The following CACNA2D1 variants were observed in gnomAD, a reference collection of about 807,000 sequenced individuals.
CACNA2D1 encodes the protein calcium voltage-gated channel auxiliary subunit alpha2delta 1.
Under a neutral mutation model 171.5 loss-of-function variants are expected in CACNA2D1, and 53 were observed. The observed-to-expected ratio is 0.31, with a 90% CI of 0.25 to 0.39. The LOEUF (loss-of-function observed/expected upper bound fraction) is 0.39. Ranked by LOEUF, CACNA2D1 falls within the 10% of genes least tolerant of loss-of-function variation. The probability of loss-of-function intolerance (pLI) is 1.00; values close to 1 mark genes in which losing one functional copy is unlikely to be tolerated. For missense variants in CACNA2D1, 903 were observed against 1,299.8 expected (o/e 0.69, Z 4.69); for synonymous variants, 442 against 443.1 (o/e 1.00, Z 0.03).
chr7:82,088,614 T>C (rs571471635), intron 6 of CACNA2D1, among the ~76,000 whole-genome samples: 2 of 152,240 alleles, frequency 1.3e-5, no homozygotes, highest in African/African-American at 4.8e-5. Context: ...CCAAATAATG[T>C]TTAATATAAA....
chr7:82,307,155 A>T lies in CACNA2D1; in HGVS notation c.294+27980T>A, dbSNP rs926674454. ...AAAAATAAACATTTATAAGAATTAT[A>T]TAATTCTTTTTTTAGGTGTGGGAAT... is the stretch of plus-strand genomic sequence containing the variant. On this transcript the variant is annotated intron_variant, in intron 3 of 38. Coordinates refer to ENST00000356860, the MANE Select transcript of CACNA2D1 (RefSeq NM_000722.4). Among the ~76,000 whole-genome samples, 8 of 152,110 alleles carry T rather than the reference A, an allele frequency of 5.3e-5. No individual in the cohort carries two copies. The South Asian group carries it at 6.2e-4, about 12-fold the overall frequency.
chr7:82,432,072 ATTAATAGTGC>A (rs1267132954), intron 1 of CACNA2D1, among the ~76,000 whole-genome samples: 1 of 150,628 alleles, frequency 6.6e-6, no homozygotes, highest in Non-Finnish European at 1.5e-5. Context: ...GAGAGTACTA[ATTAATAGTGC>A]CTGGCATACA....
chr7:81,990,568 T>G (rs1303627836), intron 21 of CACNA2D1, among the ~76,000 whole-genome samples: 1 of 150,656 alleles, frequency 6.6e-6, no homozygotes, highest in Admixed American at 6.6e-5. Context: ...ACAGAATGAG[T>G]AATGACGACA....
intron 3 of CACNA2D1, among the ~76,000 whole-genome samples, chr7:82,285,671 G>A (rs866318371): frequency 6.6e-6 from 1 of 152,208 alleles, no homozygotes; most frequent in South Asian, 2.1e-4. Context: ...GTAAATGTGA[G>A]TAGCATATAT....
chr7:82,052,680 G>A lies in CACNA2D1; in HGVS notation c.879+7748C>T, dbSNP rs548570523. Among the ~76,000 whole-genome samples the A allele has an allele frequency of 7.2e-5, 11 of 152,244 alleles. No homozygotes were observed. In the South Asian group the frequency reaches 1.0e-3, roughly 14 times the overall value. On this transcript the variant is annotated intron_variant, in intron 10 of 38. Coordinates refer to ENST00000356860, the MANE Select transcript of CACNA2D1 (RefSeq NM_000722.4). Reference sequence around the variant, plus strand: ...GTGGTTGACACTAAAGATTATAAATGCAAATAAGAATATATGAAGTTTCAT... The same window carrying A: ...GTGGTTGACACTAAAGATTATAAATACAAATAAGAATATATGAAGTTTCAT...
At chr7:82,253,654 A>G (rs1213712804) in intron 3 of CACNA2D1, among the ~76,000 whole-genome samples, 4 of 152,224 alleles carry the variant, frequency 2.6e-5, no homozygotes, top group African/African-American at 7.2e-5. Flanking sequence ...TTAAATTCTT[A>G]TATAACTTTT....
chr7:82,278,791 G>A (rs1809701423), intron 3 of CACNA2D1, among the ~76,000 whole-genome samples: 1 of 151,988 alleles, frequency 6.6e-6, no homozygotes, highest in Admixed American at 6.6e-5. Flanking sequence ...TCGAATAGAG[G>A]ATCCAAAATT....
chr7:82,220,527 T>A (rs990958305), intron 3 of CACNA2D1, among the ~76,000 whole-genome samples: 2 of 152,142 alleles, frequency 1.3e-5, no homozygotes, highest in Non-Finnish European at 2.9e-5. Flanking sequence ...CTAGTATTAT[T>A]TACTGTATTA....
intron 24 of CACNA2D1, among the ~76,000 whole-genome samples, chr7:81,976,066 A>T (rs1795802916): frequency 6.6e-6 from 1 of 151,840 alleles, no homozygotes; most frequent in Non-Finnish European, 1.5e-5. Flanking sequence ...TTTTTGAGAC[A>T]TCCAAGTTAC....
In CACNA2D1 at chr7:82,005,767, T is replaced by G; in HGVS notation, c.1513A>C (p.Thr505Pro). The G allele has an allele frequency of 6.3e-7, 1 of 1,583,312 alleles. No homozygotes were observed. Among genetic ancestry groups the G allele is most frequent in the Non-Finnish European group, 8.7e-7 (1 of 1,152,068 alleles). ...EDIKRLTPRF[T>P]LCPNGYYFAI... The stretch of plus-strand genomic sequence containing the variant: ...CAAAAGAGCAAATTTCATCTTACTG[T>G]AAAACGTGGTGTCAGTCTTTTAATA... Residue 505 changes from threonine to proline, a missense_variant and splice_region_variant, in exon 17 of 39, where the codon ACA (threonine) becomes CCA (proline). Thr to Pro is a conservative substitution (Grantham distance 38). Transcript: ENST00000356860.
At chr7:82,237,486 C>T (rs1183039784) in intron 3 of CACNA2D1, among the ~76,000 whole-genome samples, 3 of 151,884 alleles carry the variant, frequency 2.0e-5, no homozygotes, top group Non-Finnish European at 2.9e-5. Context: ...TTGGGCTATA[C>T]ATCAGGTATG....
At chr7:82,112,696 G>C (rs1218788411) in intron 6 of CACNA2D1, among the ~76,000 whole-genome samples, 1 of 152,160 alleles carries the variant, frequency 6.6e-6, no homozygotes, top group Non-Finnish European at 1.5e-5. Context: ...ACAACAAAAT[G>C]GGCTGTTTAC....
At chr7:82,363,254 C>CTTTTTTTTTTTTGT (rs1821289630) in intron 1 of CACNA2D1, among the ~76,000 whole-genome samples, 1 of 63,420 alleles carries the variant, frequency 1.6e-5, no homozygotes, top group African/African-American at 8.4e-5. Context: ...TTATTTGTCT[C>CTTTTTTTTTTTTGT]TTTTTTTTTT....
At chr7:81,957,707 C>T (rs557489025) in intron 38 of CACNA2D1, among the ~76,000 whole-genome samples, 1 of 152,156 alleles carries the variant, frequency 6.6e-6, no homozygotes, top group South Asian at 2.1e-4. Flanking sequence ...AAAATAACTC[C>T]ACTGCTAAAG....
chr7:82,404,142 C>A (rs1198311918), intron 1 of CACNA2D1, among the ~76,000 whole-genome samples: 1 of 152,120 alleles, frequency 6.6e-6, no homozygotes, highest in Non-Finnish European at 1.5e-5. Flanking sequence ...GGAACACAGA[C>A]CAAAGAGTCA....
intron 3 of CACNA2D1, among the ~76,000 whole-genome samples, chr7:82,298,207 A>T (rs1254729419): frequency 2.6e-5 from 4 of 152,190 alleles, no homozygotes; most frequent in Admixed American, 2.0e-4. Flanking sequence ...GTTTTCCACC[A>T]ATAGGGAATC....
intron 15 of CACNA2D1, among the ~76,000 whole-genome samples, chr7:82,008,539 T>A (rs1255020223): frequency 6.6e-6 from 1 of 152,190 alleles, no homozygotes; most frequent in Non-Finnish European, 1.5e-5. Flanking sequence ...AGTTTGCTTT[T>A]GTTACTGACA....
intron 1 of CACNA2D1, among the ~76,000 whole-genome samples, chr7:82,411,548 GTAA>G (rs1183743171): frequency 6.6e-6 from 1 of 152,012 alleles, no homozygotes; most frequent in Non-Finnish European, 1.5e-5. Context: ...AGATAAAGAA[GTAA>G]TATTATTTAA....
At chr7:82,140,669 C>G (rs1489018672) in intron 4 of CACNA2D1, among the ~76,000 whole-genome samples, 2 of 151,856 alleles carry the variant, frequency 1.3e-5, no homozygotes, top group African/African-American at 4.8e-5. Flanking sequence ...AAAAAAATTG[C>G]AATTGGCTGG....
Sources: gnomAD v4.1 joint callset for allele counts (sites outside exome capture counted in the v4.1 genomes callset) on GRCh38, gnomAD v4.1.1 for gene constraint, MANE v1.5 for transcripts, NCBI Gene and HGNC (gene_info 2026-07-23, HGNC 2026-07-21) for gene names.